The following PAM variants were observed in gnomAD, a reference collection of about 807,000 sequenced individuals.
PAM encodes the protein peptidyl-glycine alpha-amidating monooxygenase.
Under a neutral mutation model 122.1 loss-of-function variants are expected in PAM, and 72 were observed. The observed-to-expected ratio is 0.59, with a 90% CI of 0.49 to 0.72. The LOEUF is 0.72. PAM is among the 30% of genes least tolerant of loss of function. The probability of loss-of-function intolerance (pLI) is 0.00; values close to 1 mark genes in which losing one functional copy is unlikely to be tolerated. For missense variants in PAM, 1,106 were observed against 1,183.7 expected (o/e 0.93, Z 0.96); for synonymous variants, 389 against 404.4 (o/e 0.96, Z 0.46).
chr5:102,848,684 G>T lies in PAM; in HGVS notation c.-373-17139G>T, dbSNP rs559661988. On this transcript the variant is annotated intron_variant, in intron 1 of 25. Coordinates refer to ENST00000438793, the MANE Select transcript of PAM (RefSeq NM_001177306.2). Reference sequence around the variant, plus strand: ...ACAATGTAGGGAGGAACAGATAATAGAACTGAAACTAGAAAATGGAGAGAG... The same window carrying T: ...ACAATGTAGGGAGGAACAGATAATATAACTGAAACTAGAAAATGGAGAGAG... Among the ~76,000 whole-genome samples the T allele has an allele frequency of 6.6e-5, 10 of 152,228 alleles. No homozygotes were observed. In the East Asian group the frequency reaches 1.9e-3, roughly 29 times the overall value.
intron 21 of PAM, among the ~76,000 whole-genome samples, chr5:103,016,088 C>T (rs559746544): frequency 1.8e-4 from 28 of 152,094 alleles, no homozygotes; most frequent in Non-Finnish European, 3.8e-4. Context: ...ATGACAAGCC[C>T]GCAGGATTTC....
At chr5:102,756,568 A>C (rs1486040832) in intron 1 of PAM, among the ~76,000 whole-genome samples, 2 of 152,242 alleles carry the variant, frequency 1.3e-5, no homozygotes, top group Non-Finnish European at 2.9e-5. Flanking sequence ...ATTTAGCTCA[A>C]ATAACATGTG....
At chr5:102,912,821 A>G (rs1225960154) in intron 4 of PAM, among the ~76,000 whole-genome samples, 2 of 152,010 alleles carry the variant, frequency 1.3e-5, no homozygotes, top group African/African-American at 4.8e-5. Flanking sequence ...TTAGGCTTCA[A>G]GTTCTTACTT....
chr5:102,790,351 T>C (rs1761732958), intron 1 of PAM, among the ~76,000 whole-genome samples: 1 of 152,098 alleles, frequency 6.6e-6, no homozygotes, highest in Non-Finnish European at 1.5e-5. Flanking sequence ...GCTGAAAGAC[T>C]GCCTCTAGGA....
intron 1 of PAM, among the ~76,000 whole-genome samples, chr5:102,830,501 C>G (rs962103138): frequency 6.6e-6 from 1 of 152,152 alleles, no homozygotes. Flanking sequence ...ACTGCTTGTT[C>G]ATTCTTCTCC....
chr5:102,913,110 G>A (rs1355757944), intron 4 of PAM, among the ~76,000 whole-genome samples: 3 of 151,890 alleles, frequency 2.0e-5, no homozygotes, highest in African/African-American at 7.2e-5. Context: ...GGGCTATTTA[G>A]CATTTTATGT....
In PAM at chr5:102,885,492, G is replaced by T. The variant is rs894798356; in HGVS notation, c.211-15864G>T. ...GACTATGAAGGCAGACACAGTAGAT[G>T]TAAGAAAGAAGATAGATTGGTAGCC... On this transcript the variant is annotated intron_variant, in intron 3 of 25. Transcript: ENST00000438793. 2.0e-5 allele frequency among the ~76,000 whole-genome samples: 3 copies of T among 151,972 alleles called. No homozygotes were observed. In the East Asian group the frequency reaches 5.8e-4, roughly 29 times the overall value.
intron 1 of PAM, among the ~76,000 whole-genome samples, chr5:102,782,778 G>A (rs1320362927): frequency 2.0e-5 from 3 of 148,486 alleles, no homozygotes; most frequent in Non-Finnish European, 4.5e-5. Flanking sequence ...TTTATTACTG[G>A]TGAAACTGGT....
At chr5:103,003,617 T>A (rs377603030) in intron 17 of PAM, among the ~76,000 whole-genome samples, 54 of 152,270 alleles carry the variant, frequency 3.5e-4, no homozygotes, top group African/African-American at 1.3e-3. Flanking sequence ...AGATTTAGAT[T>A]CTGTATAGAG....
intron 1 of PAM, among the ~76,000 whole-genome samples, chr5:102,778,168 C>T (rs1228854119): frequency 6.6e-6 from 1 of 152,082 alleles, no homozygotes; most frequent in African/African-American, 2.4e-5. Context: ...CCTCTCACCT[C>T]CCCACATGTA....
intron 1 of PAM, among the ~76,000 whole-genome samples, chr5:102,778,021 T>A (rs781499113): frequency 1.2e-4 from 19 of 152,262 alleles, no homozygotes; most frequent in Non-Finnish European, 2.4e-4. Context: ...AACACCTGAA[T>A]GGCATTGTGC....
intron 3 of PAM, among the ~76,000 whole-genome samples, chr5:102,880,563 T>C (rs1324695724): frequency 2.0e-5 from 3 of 152,094 alleles, no homozygotes; most frequent in Non-Finnish European, 4.4e-5. Context: ...AGGACCATTT[T>C]TTCTGCACAA....
At chr5:102,857,728 ATT>A in intron 1 of PAM, among the ~76,000 whole-genome samples, 1 of 152,286 alleles carries the variant, frequency 6.6e-6, no homozygotes, top group South Asian at 2.1e-4. Context: ...AATGGTACAA[ATT>A]TCATAGAGTT....
intron 17 of PAM, among the ~76,000 whole-genome samples, chr5:103,004,455 C>T (rs1245060735): frequency 6.6e-6 from 1 of 152,170 alleles, no homozygotes. Context: ...GTCAACACTA[C>T]ACTAAGATTA....
chr5:102,831,711 T>C (rs1775507415), intron 1 of PAM, among the ~76,000 whole-genome samples: 1 of 152,168 alleles, frequency 6.6e-6, no homozygotes, highest in Non-Finnish European at 1.5e-5. Context: ...CACAGTAAAT[T>C]TCTAACAATG....
At chr5:102,904,540 T>C (rs927252185) in intron 4 of PAM, among the ~76,000 whole-genome samples, 1 of 151,610 alleles carries the variant, frequency 6.6e-6, no homozygotes, top group Non-Finnish European at 1.5e-5. Flanking sequence ...GTTTTGCTTG[T>C]GTTTATGAAA....
At chr5:102,780,014 G>A (rs1164356302) in intron 1 of PAM, among the ~76,000 whole-genome samples, 1 of 150,050 alleles carries the variant, frequency 6.7e-6, no homozygotes, top group African/African-American at 2.5e-5. Flanking sequence ...CAAAAATTTG[G>A]AGAGTTCCAG....
At chr5:103,006,687 A>G in intron 18 of PAM, 114 bp from the exon 19 acceptor site, 1 of 709,520 alleles carries the variant, frequency 1.4e-6, no homozygotes, top group Non-Finnish European at 2.5e-6. Flanking sequence ...CTTCTTTTAA[A>G]TAAGTCTCTG....
At chr5:102,829,757 G>T (rs897358216) in intron 1 of PAM, among the ~76,000 whole-genome samples, 12 of 152,084 alleles carry the variant, frequency 7.9e-5, no homozygotes, top group Non-Finnish European at 1.2e-4. Context: ...TATACAAATT[G>T]TCTCTGTATA....
Sources: gnomAD v4.1 joint callset for allele counts (sites outside exome capture counted in the v4.1 genomes callset) on GRCh38, gnomAD v4.1.1 for gene constraint, MANE v1.5 for transcripts, NCBI Gene and HGNC (gene_info 2026-07-23, HGNC 2026-07-21) for gene names.